The following INSYN2B variants were observed in gnomAD, a reference collection of about 807,000 sequenced individuals.
INSYN2B encodes the protein protein INSYN2B.
A neutral mutation model predicts 41.2 loss-of-function variants in INSYN2B; 16 were observed. The observed-to-expected ratio is 0.39, with a 90% CI of 0.26 to 0.59. The LOEUF is 0.59. Ranked by LOEUF, INSYN2B falls within the 20% of genes least tolerant of loss-of-function variation. The pLI is 0.57. For synonymous variants in INSYN2B, 245 were observed against 244.4 expected (o/e 1.00, Z -0.02); for missense variants, 608 against 646.4 (o/e 0.94, Z 0.64).
rs570319482 is a variant in INSYN2B at position 169,950,223 on chromosome 5, G to A, written c.-919+30054C>T. ...GCCAGCCTGTCAGATTCAAACCCCAGCTCTAGCTCCATGCCCCTAGAGAAA... is the reference window on the plus strand; with the variant it reads ...GCCAGCCTGTCAGATTCAAACCCCAACTCTAGCTCCATGCCCCTAGAGAAA... On this transcript the variant is annotated intron_variant, in intron 1 of 3. Transcript: ENST00000377365. 3.3e-5 allele frequency among the ~76,000 whole-genome samples: 5 copies of A among 152,298 alleles called. No individual in the cohort carries two copies. The East Asian group carries it at 9.6e-4, about 29-fold the overall frequency.
chr5:169,864,251 C>T lies in INSYN2B; in HGVS notation c.*22G>A. ...CAGGGAAGTGCGTGGAGTTGGGGGGCTGGGGGATGGTCCCAACCAGCTCAG... is the reference window on the plus strand; with the variant it reads ...CAGGGAAGTGCGTGGAGTTGGGGGGTTGGGGGATGGTCCCAACCAGCTCAG... On this transcript the variant is annotated 3_prime_UTR_variant, in exon 4 of 4. Transcript: ENST00000377365. 1.9e-6 allele frequency: 3 copies of T among 1,548,292 alleles called. No individual in the cohort carries two copies. Among genetic ancestry groups the T allele is most frequent in the East Asian group, 2.4e-5 (1 of 40,900 alleles).
chr5:169,893,476 A>AC (rs1237543701), intron 1 of INSYN2B, among the ~76,000 whole-genome samples: 2 of 96,236 alleles, frequency 2.1e-5, no homozygotes, highest in Admixed American at 1.3e-4. Context: ...ACATTTTCTT[A>AC]CCCTTTTTTT....
intron 1 of INSYN2B, among the ~76,000 whole-genome samples, chr5:169,940,844 GGTACCA>G (rs1377962477): frequency 6.6e-6 from 1 of 152,204 alleles, no homozygotes; most frequent in Non-Finnish European, 1.5e-5. Context: ...GCCACAGACT[GGTACCA>G]GTTCATGGTC....
intron 1 of INSYN2B, among the ~76,000 whole-genome samples, chr5:169,910,047 G>A (rs1355873777): frequency 6.6e-6 from 1 of 152,100 alleles, no homozygotes; most frequent in Non-Finnish European, 1.5e-5. Flanking sequence ...AATTTGCCAT[G>A]AGGACACTTA....
At chr5:169,957,960 G>A (rs144495666) in intron 1 of INSYN2B, among the ~76,000 whole-genome samples, 115 of 152,298 alleles carry the variant, frequency 7.6e-4, no homozygotes, top group Non-Finnish European at 1.3e-3. Flanking sequence ...GGAGTAGGGC[G>A]TCAGGAGAGG....
In INSYN2B at chr5:169,883,552, G is replaced by T. The variant is rs1412410345; in HGVS notation, c.347C>A (p.Thr116Lys). ...HFPVFKRKRL[T>K]ASKSLVEMPT... ...CATTTCCACCAGGGACTTACTGGCT[G>T]TGAGTCTCTTCCTTTTGAAAACTGG... Residue 116 changes from threonine to lysine, a missense_variant, in exon 2 of 4, where the codon ACA becomes AAA. Thr to Lys is a moderately conservative substitution (Grantham distance 78). Coordinates refer to ENST00000377365, the MANE Select transcript of INSYN2B (RefSeq NM_001129891.3). 6.4e-7 allele frequency: 1 copy of T among 1,551,680 alleles called. No individual in the cohort carries two copies. Among genetic ancestry groups the T allele is most frequent in the East Asian group, 2.4e-5 (1 of 40,926 alleles).
intron 1 of INSYN2B, among the ~76,000 whole-genome samples, chr5:169,965,246 A>G (rs551001128): frequency 1.3e-5 from 2 of 152,342 alleles, no homozygotes; most frequent in African/African-American, 4.8e-5. Flanking sequence ...ACCCACCTGC[A>G]GATCTTAGAA....
intron 1 of INSYN2B, among the ~76,000 whole-genome samples, chr5:169,958,198 G>C (rs1776944711): frequency 1.3e-5 from 2 of 148,800 alleles, no homozygotes; most frequent in South Asian, 2.2e-4. Context: ...TGGCTAAATG[G>C]AACACAGATA....
chr5:169,915,107 C>T (rs1316468701), intron 1 of INSYN2B, among the ~76,000 whole-genome samples: 1 of 152,164 alleles, frequency 6.6e-6, no homozygotes, highest in Non-Finnish European at 1.5e-5. Flanking sequence ...TGAGGCCCCA[C>T]TACTTGAAAA....
intron 1 of INSYN2B, among the ~76,000 whole-genome samples, chr5:169,919,886 T>C (rs1189115685): frequency 6.6e-6 from 1 of 152,202 alleles, no homozygotes; most frequent in African/African-American, 2.4e-5. Context: ...AGATTAGTAT[T>C]AGTGGAAAGG....
chr5:169,946,482 G>A (rs1776454461), intron 1 of INSYN2B, among the ~76,000 whole-genome samples: 1 of 152,212 alleles, frequency 6.6e-6, no homozygotes, highest in Admixed American at 6.5e-5. Context: ...CTTTACCCCA[G>A]CTCCTGTGTT....
At chr5:169,938,573 A>G (rs1457941853) in intron 1 of INSYN2B, among the ~76,000 whole-genome samples, 1 of 152,254 alleles carries the variant, frequency 6.6e-6, no homozygotes, top group East Asian at 1.9e-4. Context: ...GTCCACCTGT[A>G]CAGGACACTT....
chr5:169,876,447 G>C (rs554091450), intron 3 of INSYN2B, among the ~76,000 whole-genome samples: 1 of 152,240 alleles, frequency 6.6e-6, no homozygotes, highest in Non-Finnish European at 1.5e-5. Context: ...AGAGAAGGGA[G>C]ATATTTTCAC....
chr5:169,902,394 T>C (rs1214798222), intron 1 of INSYN2B, among the ~76,000 whole-genome samples: 1 of 152,210 alleles, frequency 6.6e-6, no homozygotes, highest in Non-Finnish European at 1.5e-5. Flanking sequence ...AGAAGTTTAG[T>C]GATTTTGCCA....
At chr5:169,897,638 A>G (rs1051801898) in intron 1 of INSYN2B, among the ~76,000 whole-genome samples, 1 of 152,190 alleles carries the variant, frequency 6.6e-6, no homozygotes, top group Non-Finnish European at 1.5e-5. Context: ...GAGCCTGGGG[A>G]TGCAAACTGA....
chr5:169,891,305 G>A (rs1186548861), intron 1 of INSYN2B, among the ~76,000 whole-genome samples: 1 of 152,132 alleles, frequency 6.6e-6, no homozygotes, highest in Non-Finnish European at 1.5e-5. Context: ...TAGCTTATTT[G>A]TGTATTATCT....
chr5:169,907,289 G>A (rs938416237), intron 1 of INSYN2B, among the ~76,000 whole-genome samples: 3 of 152,142 alleles, frequency 2.0e-5, no homozygotes, highest in African/African-American at 7.2e-5. Flanking sequence ...AGATGAACAC[G>A]CCCAATTTTA....
chr5:169,954,281 T>C, intron 1 of INSYN2B, among the ~76,000 whole-genome samples: 1 of 152,276 alleles, frequency 6.6e-6, no homozygotes, highest in Admixed American at 6.5e-5. Flanking sequence ...TGAGTGATTC[T>C]AAGGAATAAA....
At chr5:169,874,811 AATCTCCCAAGT>A (rs1340064397) in intron 3 of INSYN2B, among the ~76,000 whole-genome samples, 1 of 152,074 alleles carries the variant, frequency 6.6e-6, no homozygotes, top group Non-Finnish European at 1.5e-5. Flanking sequence ...GTTACAGCTG[AATCTCCCAAGT>A]ATTGCATAAT....
Sources: gnomAD v4.1 joint callset for allele counts (sites outside exome capture counted in the v4.1 genomes callset) on GRCh38, gnomAD v4.1.1 for gene constraint, MANE v1.5 for transcripts, NCBI Gene and HGNC (gene_info 2026-07-23, HGNC 2026-07-21) for gene names.